The following ARIH1 variants were observed in gnomAD, a reference collection of about 807,000 sequenced individuals.
The protein encoded by ARIH1 is E3 ubiquitin-protein ligase ARIH1.
In ARIH1, 8 loss-of-function variants were observed where a neutral mutation model predicts 85.0. The ratio of observed to expected loss-of-function variants is 0.09; its 90% CI spans 0.06 to 0.17. The LOEUF (loss-of-function observed/expected upper bound fraction) is 0.17, where lower values mean the gene tolerates loss of function less well. ARIH1 is among the 10% of genes least tolerant of loss of function. ARIH1 has a pLI of 1.00. For missense variants in ARIH1, 311 were observed against 718.1 expected (o/e 0.43, Z 6.48); for synonymous variants, 238 against 253.6 (o/e 0.94, Z 0.59).
At chr15:72,507,273 C>T (rs2063930252) in intron 1 of ARIH1, among the ~76,000 whole-genome samples, 2 of 152,160 alleles carry the variant, frequency 1.3e-5, no homozygotes, top group South Asian at 4.1e-4. Flanking sequence ...ATCCGCCTGC[C>T]TTGGCCTCCC....
At position 72,474,594 on chromosome 15, in the gene ARIH1, TCTCCCCGCCTC is replaced by T. The variant is rs1449150984; in HGVS notation, c.-45_-35del. 3 of 1,485,076 alleles carry T rather than the reference TCTCCCCGCCTC, an allele frequency of 2.0e-6. No individual in the cohort carries two copies. Among genetic ancestry groups the T allele is most frequent in the Middle Eastern group, 2.0e-4 (1 of 5,008 alleles). 92.0% of individuals were successfully genotyped at this position (1,485,076 alleles called of 1,614,324 possible). On this transcript the variant is annotated 5_prime_UTR_variant, in exon 1 of 14. Coordinates refer to ENST00000379887, the MANE Select transcript of ARIH1 (RefSeq NM_005744.5). ...AGCCGGGGCCTCGGCGTCCCCGCCCTCTCCCCGCCTCGGCCAGCGTCCGCCGGGCCCCCGCG... is the reference window on the plus strand; with the variant it reads ...AGCCGGGGCCTCGGCGTCCCCGCCCTGGCCAGCGTCCGCCGGGCCCCCGCG...
At chr15:72,501,580 A>G (rs572514199) in intron 1 of ARIH1, among the ~76,000 whole-genome samples, 36 of 152,310 alleles carry the variant, frequency 2.4e-4, no homozygotes, top group African/African-American at 8.7e-4. Context: ...GTGGAGTTAC[A>G]TTGAAGTCAC....
chr15:72,553,439 A>T (rs1219718567), intron 3 of ARIH1, among the ~76,000 whole-genome samples: 3 of 152,112 alleles, frequency 2.0e-5, no homozygotes, highest in Non-Finnish European at 4.4e-5. Context: ...CACCCATTTA[A>T]AGTGGTTTTA....
intron 1 of ARIH1, among the ~76,000 whole-genome samples, chr15:72,475,467 C>G (rs1299398299): frequency 2.6e-5 from 4 of 152,184 alleles, no homozygotes; most frequent in Non-Finnish European, 5.9e-5. Flanking sequence ...CTAAGAGCAG[C>G]TTGGTGTACA....
intron 1 of ARIH1, among the ~76,000 whole-genome samples, chr15:72,485,422 C>T (rs879287444): frequency 6.6e-6 from 1 of 152,096 alleles, no homozygotes; most frequent in East Asian, 1.9e-4. Flanking sequence ...AGAGCTCCTG[C>T]TTTTGTAAGA....
In ARIH1 at chr15:72,497,334, G is replaced by T. The variant is rs7178680; in HGVS notation, c.376-20733G>T. ...TGATGAAAATAATCTAAATCTTCCT[G>T]TTATTTCGCTGACATCACTATGAGG... On this transcript the variant is annotated intron_variant, in intron 1 of 13. Transcript: ENST00000379887. Among the ~76,000 whole-genome samples, 320 of 152,162 alleles carry T rather than the reference G, an allele frequency of 2.1e-3. 1 individual carries two copies. The highest frequency in any genetic ancestry group is 7.5e-3 in the African/African-American group (310 of 41,530).
chr15:72,561,476 G>T lies in ARIH1; in HGVS notation c.738-7G>T. Reference sequence around the variant, plus strand: ...ACTTTCTAATCTATTTTTATTCTTGGTTTCAGGCGCCTGATCACAGATTCA... The same window carrying T: ...ACTTTCTAATCTATTTTTATTCTTGTTTTCAGGCGCCTGATCACAGATTCA... On this transcript the variant is annotated splice_region_variant and splice_polypyrimidine_tract_variant and intron_variant, in intron 5 of 13. Transcript: ENST00000379887. The T allele has an allele frequency of 6.3e-7, 1 of 1,579,628 alleles. No homozygotes were observed. Among genetic ancestry groups the T allele is most frequent in the Admixed American group, 1.7e-5 (1 of 57,624 alleles).
At chr15:72,539,420 C>T (rs2064096737) in intron 2 of ARIH1, among the ~76,000 whole-genome samples, 1 of 149,734 alleles carries the variant, frequency 6.7e-6, no homozygotes, top group South Asian at 2.1e-4. Context: ...ACTGATAAAA[C>T]AACAGAAGGT....
intron 5 of ARIH1, among the ~76,000 whole-genome samples, chr15:72,559,139 C>T (rs932203725): frequency 3.3e-5 from 5 of 152,132 alleles, no homozygotes; most frequent in South Asian, 4.1e-4. Context: ...AAAATTTGAC[C>T]GTCCATATAT....
chr15:72,543,262 C>T (rs1453734820), intron 2 of ARIH1, among the ~76,000 whole-genome samples: 1 of 151,822 alleles, frequency 6.6e-6, no homozygotes, highest in Non-Finnish European at 1.5e-5. Flanking sequence ...GAGGCTGAGG[C>T]AGTAGAATCG....
intron 1 of ARIH1, among the ~76,000 whole-genome samples, chr15:72,475,457 C>T (rs528641537): frequency 6.6e-6 from 1 of 152,296 alleles, no homozygotes; most frequent in South Asian, 2.1e-4. Flanking sequence ...TAGAGTAGGC[C>T]TAAGAGCAGC....
At chr15:72,576,366 C>T (rs1185210587) in intron 11 of ARIH1, among the ~76,000 whole-genome samples, 1 of 151,766 alleles carries the variant, frequency 6.6e-6, no homozygotes, top group Non-Finnish European at 1.5e-5. Flanking sequence ...ATTAGCTGGG[C>T]GTGGTGGCGG....
Position 72,580,952 on chromosome 15 carries a change from T to C in ARIH1, c.1437T>C (p.Ala479=), listed in dbSNP as rs1247083734. Residue 479 remains alanine, a synonymous_variant, in exon 12 of 14, where the codon GCT becomes GCC. Transcript: ENST00000379887. ...RATLMYTYVF[A]FYLKKNNQSI... ...CACTCATGTACACTTATGTCTTCGC[T>C]TTCTACCTCAAAAAGAATAACCAGT... is the stretch of plus-strand genomic sequence containing the variant. 1 of 1,614,062 alleles carries C rather than the reference T, an allele frequency of 6.2e-7. No homozygotes were observed. Among genetic ancestry groups the C allele is most frequent in the Non-Finnish European group, 8.5e-7 (1 of 1,179,982 alleles).
chr15:72,565,644 C>T (rs983650297), intron 7 of ARIH1, among the ~76,000 whole-genome samples: 6 of 152,152 alleles, frequency 3.9e-5, no homozygotes, highest in Admixed American at 6.6e-5. Flanking sequence ...GTATTTTTAG[C>T]GTGACACATT....
At chr15:72,540,581 T>C (rs1195049221) in intron 2 of ARIH1, among the ~76,000 whole-genome samples, 4 of 152,114 alleles carry the variant, frequency 2.6e-5, no homozygotes, top group Non-Finnish European at 5.9e-5. Context: ...ATGAGTGGAT[T>C]TTTAGCTTCC....
At chr15:72,483,322 G>A (rs575713381) in intron 1 of ARIH1, among the ~76,000 whole-genome samples, 1 of 152,202 alleles carries the variant, frequency 6.6e-6, no homozygotes, top group East Asian at 1.9e-4. Context: ...ACAGTAGCTT[G>A]TTTCCTCCAG....
chr15:72,546,166 C>T (rs997873284), intron 3 of ARIH1, among the ~76,000 whole-genome samples: 3 of 152,078 alleles, frequency 2.0e-5, no homozygotes, highest in African/African-American at 7.2e-5. Context: ...CTCAGCCTCC[C>T]AAGTAGCTGG....
intron 2 of ARIH1, among the ~76,000 whole-genome samples, chr15:72,525,841 A>G (rs1311054276): frequency 4.0e-5 from 6 of 150,156 alleles, no homozygotes; most frequent in Non-Finnish European, 7.4e-5. Flanking sequence ...GGGTCTTGCT[A>G]TGTTGTCCAG....
chr15:72,552,627 CAAG>C (rs905292551), intron 3 of ARIH1, among the ~76,000 whole-genome samples: 2 of 151,716 alleles, frequency 1.3e-5, no homozygotes, highest in African/African-American at 2.4e-5. Context: ...CAAAAAAAAA[CAAG>C]GTGCAGAAGA....
Sources: gnomAD v4.1 joint callset for allele counts (sites outside exome capture counted in the v4.1 genomes callset) on GRCh38, gnomAD v4.1.1 for gene constraint, MANE v1.5 for transcripts, NCBI Gene and HGNC (gene_info 2026-07-23, HGNC 2026-07-21) for gene names.